Variants in ENOX1 observed in about 807,000 individuals in gnomAD.
ENOX1 encodes ecto-NOX disulfide-thiol exchanger 1.
Under a neutral mutation model 82.5 loss-of-function variants are expected in ENOX1, and 42 were observed. The observed-to-expected ratio is 0.51, with a 90% confidence interval of 0.40 to 0.66. The LOEUF (loss-of-function observed/expected upper bound fraction) is 0.66. Ranked by LOEUF, ENOX1 falls within the 30% of genes least tolerant of loss-of-function variation. ENOX1 has a pLI of 0.00. For synonymous variants in ENOX1, 271 were observed against 282.2 expected, an observed-to-expected ratio of 0.96 and a Z score of 0.40; for missense variants, 608 against 811.6, an observed-to-expected ratio of 0.75 and a Z score of 3.05.
intron 5 of ENOX1, among the ~76,000 whole-genome samples, chr13:43,409,040 CA>C (rs11424006): frequency 0.054 from 4,753 of 87,578 alleles, 96 homozygotes; most frequent in Middle Eastern, 0.11. Context: ...AAATATAAAC[CA>C]AAAAAAAAAA....
At chr13:43,393,448 T>C (rs566002872) in intron 5 of ENOX1, among the ~76,000 whole-genome samples, 34 of 152,292 alleles carry the variant, frequency 2.2e-4, no homozygotes, top group African/African-American at 8.2e-4. Context: ...TGAATATCAA[T>C]GCATAACAAG....
At chr13:43,417,247 G>GAGGGAA (rs2054672428) in intron 3 of ENOX1, among the ~76,000 whole-genome samples, 1 of 108,064 alleles carries the variant, frequency 9.3e-6, no homozygotes, top group African/African-American at 4.4e-5. Context: ...GGAGACGGGA[G>GAGGGAA]AGGGAGAGGG....
At chr13:43,234,891 TA>T (rs1324531055) in intron 15 of ENOX1, among the ~76,000 whole-genome samples, 1 of 152,154 alleles carries the variant, frequency 6.6e-6, no homozygotes, top group Non-Finnish European at 1.5e-5. Flanking sequence ...GTTCTCCAAT[TA>T]AAACATAAAA....
intron 3 of ENOX1, among the ~76,000 whole-genome samples, chr13:43,420,123 T>C (rs766693413): frequency 1.3e-4 from 20 of 152,222 alleles, no homozygotes; most frequent in Non-Finnish European, 2.6e-4. Flanking sequence ...TCCTTTTCCA[T>C]CACTAAGGAA....
chr13:43,377,168 C>T (rs114534386), intron 5 of ENOX1, among the ~76,000 whole-genome samples: 2,017 of 152,284 alleles, frequency 0.013, 39 homozygotes, highest in African/African-American at 0.046. Flanking sequence ...GGGATTAATG[C>T]TTTTACCATG....
intron 5 of ENOX1, among the ~76,000 whole-genome samples, chr13:43,367,638 C>G (rs1012685329): frequency 2.0e-5 from 3 of 151,584 alleles, no homozygotes; most frequent in African/African-American, 7.3e-5. Context: ...AGACTTTTGG[C>G]CCCCAGAACT....
chr13:43,349,694 C>T (rs972334600), intron 8 of ENOX1, among the ~76,000 whole-genome samples: 6 of 152,160 alleles, frequency 3.9e-5, no homozygotes, highest in Admixed American at 2.6e-4. Context: ...GTGATTTGTA[C>T]GCACATGGAG....
intron 2 of ENOX1, among the ~76,000 whole-genome samples, chr13:43,574,433 G>A (rs1057169995): frequency 2.0e-5 from 3 of 152,024 alleles, no homozygotes; most frequent in Non-Finnish European, 2.9e-5. Context: ...ACTCAATGGC[G>A]TATACCCACT....
chr13:43,615,267 T>G (rs1404141319), intron 2 of ENOX1, among the ~76,000 whole-genome samples: 1 of 152,166 alleles, frequency 6.6e-6, no homozygotes, highest in East Asian at 1.9e-4. Context: ...CATAAGAGCT[T>G]TAAATTGTAT....
At chr13:43,781,671 C>G (rs1020101778) in intron 1 of ENOX1, among the ~76,000 whole-genome samples, 1 of 152,092 alleles carries the variant, frequency 6.6e-6, no homozygotes, top group Non-Finnish European at 1.5e-5. Flanking sequence ...GCACCACCAT[C>G]CCGGCTAATT....
At chr13:43,763,628 A>G (rs1951112994) in intron 1 of ENOX1, among the ~76,000 whole-genome samples, 1 of 152,162 alleles carries the variant, frequency 6.6e-6, no homozygotes, top group Non-Finnish European at 1.5e-5. Flanking sequence ...CTCAAGCCTC[A>G]TTCACTTCCC....
At chr13:43,635,437 C>T (rs551213429) in intron 2 of ENOX1, among the ~76,000 whole-genome samples, 3 of 152,164 alleles carry the variant, frequency 2.0e-5, no homozygotes, top group South Asian at 2.1e-4. Context: ...ACTCAGCACC[C>T]GGTGCTGTTT....
chr13:43,547,723 G>A (rs183268388), intron 2 of ENOX1: 2 of 152,304 alleles, frequency 1.3e-5, no homozygotes, highest in African/African-American at 4.8e-5. Flanking sequence ...ATAAAACCGT[G>A]TTCTGCCTAA....
At chr13:43,679,290 G>A (rs1420170225) in intron 1 of ENOX1, among the ~76,000 whole-genome samples, 2 of 152,022 alleles carry the variant, frequency 1.3e-5, no homozygotes, top group Non-Finnish European at 2.9e-5. Flanking sequence ...TTCTTCCTGT[G>A]GTCAGCAGCA....
intron 2 of ENOX1, among the ~76,000 whole-genome samples, chr13:43,595,187 G>A (rs1281784997): frequency 6.6e-6 from 1 of 150,594 alleles, no homozygotes; most frequent in Non-Finnish European, 1.5e-5. Context: ...AGGCTGTTAA[G>A]TGAGAAGGGA....
At chr13:43,575,093 G>T (rs2080358907) in intron 2 of ENOX1, among the ~76,000 whole-genome samples, 3 of 152,186 alleles carry the variant, frequency 2.0e-5, no homozygotes, top group African/African-American at 7.2e-5. Flanking sequence ...GAACATTTTA[G>T]ATCTTGGGAG....
intron 12 of ENOX1, among the ~76,000 whole-genome samples, chr13:43,283,752 A>G (rs767188254): frequency 2.1e-4 from 31 of 147,834 alleles, no homozygotes; most frequent in Non-Finnish European, 3.9e-4. Context: ...TACCTGGCCT[A>G]TTTTTTTTTC....
chr13:43,356,051 T>C lies in ENOX1; in HGVS notation c.691A>G (p.Lys231Glu). The change falls in exon 8 of 17, where the codon AAG becomes GAG. Residue 231 changes from lysine (K) to glutamate (E), a missense_variant. Physicochemically the swap from Lys to Glu is moderately conservative, Grantham distance 56. Transcript: ENST00000690772. ...TCCTCCCGGGCACGCATCCTCTGCT[T>C]GCATTCCCACTCATAGAAGTCATCC... ...ARDDFYEWEC[K>E]QRMRAREERH... The C allele has an allele frequency of 6.2e-7, 1 of 1,614,158 alleles. No individual in the cohort carries two copies. The highest frequency in any genetic ancestry group is 8.5e-7 in the Non-Finnish European group (1 of 1,180,022).
At chr13:43,549,658 A>C (rs1260958029) in intron 2 of ENOX1, among the ~76,000 whole-genome samples, 2 of 152,222 alleles carry the variant, frequency 1.3e-5, no homozygotes, top group Non-Finnish European at 2.9e-5. Flanking sequence ...TACTAACTGC[A>C]TCAGTAGATT....
Sources: gnomAD v4.1 joint callset for allele counts (sites outside exome capture counted in the v4.1 genomes callset) on GRCh38, gnomAD v4.1.1 for gene constraint, MANE v1.5 for transcripts, NCBI Gene and HGNC (gene_info 2026-07-23, HGNC 2026-07-21) for gene names.